The following MAS1 variants were observed in gnomAD, a reference collection of about 807,000 sequenced individuals.
MAS1 encodes MAS1 proto-oncogene, G protein-coupled receptor.
For missense variants in MAS1, 387 were observed against 409.7 expected (o/e 0.94, Z 0.48); for synonymous variants, 163 against 164.2 (o/e 0.99, Z 0.05).
intron 2 of MAS1, among the ~76,000 whole-genome samples, chr6:159,904,444 G>C (rs1022351756): frequency 6.6e-6 from 1 of 152,146 alleles, no homozygotes; most frequent in Admixed American, 6.5e-5. Context: ...TCAGCAAATG[G>C]CTAAACACGT....
chr6:159,914,430 T>C lies in MAS1; in HGVS notation c.*6497T>C, dbSNP rs577664537. Reference sequence around the variant, plus strand: ...TCTGGTCTGTTGTTTCTTCCTGTTCTGAGTGAGACTTGCGGTGAGCACTGG... The same window carrying C: ...TCTGGTCTGTTGTTTCTTCCTGTTCCGAGTGAGACTTGCGGTGAGCACTGG... On this transcript the variant is annotated 3_prime_UTR_variant, in exon 3 of 3. Coordinates refer to ENST00000674077, the MANE Select transcript of MAS1 (RefSeq NM_002377.4). The C allele has an allele frequency of 9.2e-5, 14 of 152,374 alleles. No individual in the cohort carries two copies. In the East Asian group the frequency reaches 2.7e-3, roughly 29 times the overall value. The allele number at this position is 152,374 out of a possible 1,614,324, so 9.4% of individuals were successfully genotyped here. A position where few individuals can be genotyped will look rare whatever the true frequency, so the allele number is the denominator to read the frequency against.
chr6:159,900,923 C>G (rs923510064), intron 2 of MAS1, among the ~76,000 whole-genome samples: 2 of 152,198 alleles, frequency 1.3e-5, no homozygotes, highest in African/African-American at 4.8e-5. Flanking sequence ...TTAGGCTGCT[C>G]TGACTGCCAT....
chr6:159,890,014 G>A (rs150501656), upstream of MAS1, among the ~76,000 whole-genome samples: 727 of 152,190 alleles, frequency 4.8e-3, 4 homozygotes, highest in South Asian at 8.9e-3. Context: ...GTTGGTCCCC[G>A]AGGTTCTTAA....
chr6:159,906,816 T>A (rs1165038080), intron 2 of MAS1, 104 bp from the exon 3 acceptor site: 10 of 931,044 alleles, frequency 1.1e-5, no homozygotes, highest in African/African-American at 5.0e-5. Context: ...AACTTTTTTT[T>A]AATAACATGA....
At position 159,913,556 on chromosome 6, in the gene MAS1, A is replaced by T. The variant is rs968788399; in HGVS notation, c.*5623A>T. 1 of 152,100 alleles carries T rather than the reference A, an allele frequency of 6.6e-6. No homozygotes were observed. Among genetic ancestry groups the T allele is most frequent in the African/African-American group, 2.4e-5 (1 of 41,420 alleles). The allele number at this position is 152,100 out of a possible 1,614,324, so 9.4% of individuals were successfully genotyped here. On this transcript the variant is annotated 3_prime_UTR_variant, in exon 3 of 3. Coordinates refer to ENST00000674077, the MANE Select transcript of MAS1 (RefSeq NM_002377.4). ...CTAGGCAGGGCAATCGAGGTGGTAC[A>T]CTCACAAGGCTGGTCATTTCCTGGG...
chr6:159,906,073 A>C (rs937573669), intron 2 of MAS1, among the ~76,000 whole-genome samples: 2 of 152,176 alleles, frequency 1.3e-5, no homozygotes. Flanking sequence ...TCAACTTCTT[A>C]TGGACAAAGT....
chr6:159,907,336 T>G lies in MAS1; in HGVS notation c.381T>G (p.Ser127Arg), dbSNP rs763695360. The G allele has an allele frequency of 6.2e-7, 1 of 1,614,196 alleles. No individual in the cohort carries two copies. The highest frequency in any genetic ancestry group is 8.5e-7 in the Non-Finnish European group (1 of 1,180,038). Residue 127 changes from serine (S) to arginine (R), a missense_variant, in exon 3 of 3, where the codon AGT becomes AGG. Transcript: ENST00000674077. ...NTGLYLLTAI[S>R]VERCLSVLYP... is the part of the protein sequence containing the mutation. ...GCCTCTATCTGCTGACGGCCATTAG[T>G]GTGGAGAGGTGCCTGTCAGTCCTTT...
Position 159,891,397 on chromosome 6 carries a change from G to T in MAS1, c.-244+264G>T, listed in dbSNP as rs543215407. On this transcript the variant is annotated intron_variant, in intron 1 of 2. Transcript: ENST00000674077. ...TTTTCAACTTCAGGGTTGAAACTTCGCAGTAGCGTTTTCTTTTTTAACTCG... is the reference window on the plus strand; with the variant it reads ...TTTTCAACTTCAGGGTTGAAACTTCTCAGTAGCGTTTTCTTTTTTAACTCG... 1.8e-4 allele frequency among the ~76,000 whole-genome samples: 28 copies of T among 152,262 alleles called. No individual in the cohort carries two copies. In the South Asian group the frequency reaches 2.9e-3, roughly 16 times the overall value.
rs140242572 is a variant in MAS1 at position 159,907,357 on chromosome 6, C to T, written c.402C>T (p.Val134=). 6.2e-7 allele frequency: 1 copy of T among 1,614,042 alleles called. No individual in the cohort carries two copies. The highest frequency in any genetic ancestry group is 1.3e-5 in the African/African-American group (1 of 74,912). Residue 134 remains valine, a synonymous_variant, in exon 3 of 3, where the codon GTC becomes GTT. Transcript: ENST00000674077. ...TTAGTGTGGAGAGGTGCCTGTCAGT[C>T]CTTTACCCCATCTGGTACCGATGCC... ...TAISVERCLS[V]LYPIWYRCHR...
Position 159,910,866 on chromosome 6 carries a change from G to A in MAS1, c.*2933G>A, listed in dbSNP as rs897617920. On this transcript the variant is annotated 3_prime_UTR_variant, in exon 3 of 3. Coordinates refer to ENST00000674077, the MANE Select transcript of MAS1 (RefSeq NM_002377.4). ...TGACCATCATAGAGAGATTGGTCCA[G>A]ATAGGAAGGTGAGTAACTTCCACAG... 8 of 152,256 alleles carry A rather than the reference G, an allele frequency of 5.3e-5. No individual in the cohort carries two copies. The highest frequency in any genetic ancestry group is 1.9e-4 in the African/African-American group (8 of 41,442). The allele number at this position is 152,256 out of a possible 1,614,324, so 9.4% of individuals were successfully genotyped here.
upstream of MAS1, among the ~76,000 whole-genome samples, chr6:159,890,754 C>T (rs978358475): frequency 6.6e-5 from 10 of 152,338 alleles, no homozygotes; most frequent in Middle Eastern, 3.4e-3. Context: ...TGCGGTTTTG[C>T]CCTTCCATGT....
Position 159,908,476 on chromosome 6 carries a change from T to C in MAS1, c.*543T>C, listed in dbSNP as rs2115120284. On this transcript the variant is annotated 3_prime_UTR_variant, in exon 3 of 3. Transcript: ENST00000674077. ...ATCAGTCTCTCCTCACTCCCTTCAA[T>C]GGTAGACAAGATATAAATTTTTGTT... 1 of 150,032 alleles carries C rather than the reference T, an allele frequency of 6.7e-6. No homozygotes were observed. The highest frequency in any genetic ancestry group is 2.1e-4 in the South Asian group (1 of 4,744). 9.3% of individuals were successfully genotyped at this position (150,032 alleles called of 1,614,324 possible).
Position 159,914,902 on chromosome 6 carries a change from G to T in MAS1, c.*6969G>T, listed in dbSNP as rs1357665167. The T allele has an allele frequency of 6.6e-6, 1 of 152,268 alleles. No individual in the cohort carries two copies. The highest frequency in any genetic ancestry group is 1.5e-5 in the Non-Finnish European group (1 of 68,076). The allele number at this position is 152,268 out of a possible 1,614,324, so 9.4% of individuals were successfully genotyped here. On this transcript the variant is annotated 3_prime_UTR_variant, in exon 3 of 3. Transcript: ENST00000674077. ...CCATGGATCTAGAGACATTCTCTGA[G>T]TGACACTATGCCAGCTGGGAGTGGT...
At chr6:159,894,418 C>CAA (rs5881344) in intron 1 of MAS1, among the ~76,000 whole-genome samples, 20 of 79,028 alleles carry the variant, frequency 2.5e-4, no homozygotes, top group East Asian at 6.6e-4. Context: ...GACCCTGTCT[C>CAA]AAAAAAAAAA....
chr6:159,904,975 G>C (rs1419780396), intron 2 of MAS1, among the ~76,000 whole-genome samples: 1 of 152,120 alleles, frequency 6.6e-6, no homozygotes, highest in Non-Finnish European at 1.5e-5. Flanking sequence ...GCCCAAGTGT[G>C]ACCTCATGAG....
At chr6:159,897,019 G>A (rs755547661) in intron 1 of MAS1, among the ~76,000 whole-genome samples, 5 of 151,988 alleles carry the variant, frequency 3.3e-5, no homozygotes, top group Non-Finnish European at 7.4e-5. Context: ...GACTACAGGC[G>A]TCCGCCACCA....
At chr6:159,901,657 G>T (rs1237182653) in intron 2 of MAS1, among the ~76,000 whole-genome samples, 1 of 151,550 alleles carries the variant, frequency 6.6e-6, no homozygotes, top group African/African-American at 2.4e-5. Flanking sequence ...AAATGTCTTG[G>T]GTATGAACAT....
chr6:159,892,938 G>A (rs1381325737), intron 1 of MAS1, among the ~76,000 whole-genome samples: 1 of 152,136 alleles, frequency 6.6e-6, no homozygotes, highest in Non-Finnish European at 1.5e-5. Flanking sequence ...AGACCCAGTG[G>A]GGTTAATCTG....
chr6:159,893,702 G>A (rs192758016), intron 1 of MAS1, among the ~76,000 whole-genome samples: 3 of 152,270 alleles, frequency 2.0e-5, no homozygotes, highest in Admixed American at 2.0e-4. Context: ...AGCCATAGGT[G>A]TGTGTATGTA....
Sources: allele counts gnomAD v4.1 joint callset (sites outside exome capture counted in the v4.1 genomes callset), GRCh38; gene constraint gnomAD v4.1.1; transcripts MANE v1.5; gene names NCBI Gene and HGNC (gene_info 2026-07-23, HGNC 2026-07-21).